HMGN1: variants seen among roughly 807,000 people sequenced by gnomAD.
The protein encoded by HMGN1 is non-histone chromosomal protein HMG-14.
A neutral mutation model predicts 18.4 loss-of-function variants in HMGN1; 9 were observed. That is an observed-to-expected ratio of 0.49 (90% CI 0.29 to 0.85). HMGN1 has a LOEUF of 0.85. Among genes scored for constraint, HMGN1 ranks in the 40% least tolerant of loss-of-function variants. HMGN1 has a pLI of 0.07. For missense variants in HMGN1, 151 were observed against 119.2 expected, an observed-to-expected ratio of 1.27 and a Z score of -1.24; for synonymous variants, 59 against 45.0, an observed-to-expected ratio of 1.31 and a Z score of -1.24.
At chr21:39,346,425 T>G (rs1279192904) in intron 4 of HMGN1, 1 of 141,222 alleles carries the variant, frequency 7.1e-6, no homozygotes. Flanking sequence ...TCTTTTGTAG[T>G]CTGTTTCTAA....
chr21:39,347,458 A>T, intron 4 of HMGN1: 1 of 1,296,786 alleles, frequency 7.7e-7, no homozygotes. Context: ...TCTTCTGATG[A>T]CTGCAGTGCT....
intron 4 of HMGN1, chr21:39,347,980 G>A: frequency 1.6e-6 from 2 of 1,262,510 alleles, no homozygotes; most frequent in South Asian, 2.0e-5. Context: ...GGAAGTACAA[G>A]CACGAATTAA....
In HMGN1 at chr21:39,346,393, CACTT is replaced by C. The variant is rs2037054679; in HGVS notation, c.127-1123_127-1120del. 1.2e-5 allele frequency: 2 copies of C among 165,658 alleles called. 1 individual carries two copies. The highest frequency in any genetic ancestry group is 2.6e-5 in the Non-Finnish European group (2 of 76,050). 10.3% of individuals were successfully genotyped at this position (165,658 alleles called of 1,614,324 possible). ...CATTGCTATCACAAAGTTTCACAAT[CACTT>C]CTGTATTTAAGAACTACTCTTTTGT... is the stretch of plus-strand genomic sequence containing the variant. On this transcript the variant is annotated intron_variant, in intron 4 of 5. Coordinates refer to ENST00000380749, the MANE Select transcript of HMGN1 (RefSeq NM_004965.7).
chr21:39,348,545 C>T lies in HMGN1; in HGVS notation c.48G>A (p.Glu16=), dbSNP rs761685550. ...CCCCCCGCAGAAGGCCCGCACTCAC[C>T]TCTTCCTTGGCGGCGCCTTCGGCGG... ...VSSAEGAAKE[E]PKRRSARLSA... Residue 16 remains glutamate, a splice_region_variant and synonymous_variant, in exon 2 of 6, where the codon GAG becomes GAA. Transcript: ENST00000380749. 18 of 1,613,454 alleles carry T rather than the reference C, an allele frequency of 1.1e-5. No individual in the cohort carries two copies. The highest frequency in any genetic ancestry group is 1.7e-4 in the Middle Eastern group (1 of 6,060).
rs770489019 is a variant in HMGN1, at chr21:39,348,591, G to C, written c.16-14C>G. ...GGCGGAGCTGACCTGCGGAGACGGA[G>C]ACGCACGAATAGAGGCGGGCCGCAG... On this transcript the variant is annotated splice_polypyrimidine_tract_variant and intron_variant, in intron 1 of 5. Coordinates refer to ENST00000380749, the MANE Select transcript of HMGN1 (RefSeq NM_004965.7). 6.3e-7 allele frequency: 1 copy of C among 1,589,566 alleles called. No individual in the cohort carries two copies. Among genetic ancestry groups the C allele is most frequent in the Non-Finnish European group, 8.6e-7 (1 of 1,169,470 alleles).
intron 4 of HMGN1, 102 bp downstream of exon 4, chr21:39,348,190 G>A: frequency 2.1e-6 from 3 of 1,412,778 alleles, no homozygotes; most frequent in Non-Finnish European, 3.0e-6. Flanking sequence ...AATTATTAAA[G>A]TATAAATAAA....
intron 1 of HMGN1, 123 bp downstream of exon 1, chr21:39,348,780 G>T (rs1171850987): frequency 9.3e-7 from 1 of 1,073,290 alleles, no homozygotes; most frequent in Non-Finnish European, 1.2e-6. Context: ...CCCGCCCGCC[G>T]GTCTCCAAGC....
chr21:39,348,846 C>A, intron 1 of HMGN1, 57 bp downstream of exon 1: 1 of 1,057,824 alleles, frequency 9.5e-7, no homozygotes, highest in Non-Finnish European at 1.2e-6. Context: ...TCGCGGGGCC[C>A]GGCGGGGCGC....
intron 3 of HMGN1, 25 bp from the exon 4 acceptor site, chr21:39,348,364 C>A (rs1262301534): frequency 6.2e-7 from 1 of 1,614,198 alleles, no homozygotes. Context: ...CAGCACTGAG[C>A]GTCCTCACCC....
At chr21:39,348,876 C>G (rs1213086591) in intron 1 of HMGN1, 27 bp downstream of exon 1, 6 of 1,120,124 alleles carry the variant, frequency 5.4e-6, no homozygotes, top group Admixed American at 4.9e-5. Flanking sequence ...CTCCAGGGGG[C>G]GTGTGCGGGC....
At position 39,348,342 on chromosome 21, in the gene HMGN1, G is replaced by C. The variant is rs769990656; in HGVS notation, c.79-3C>G. On this transcript the variant is annotated splice_region_variant and splice_polypyrimidine_tract_variant and intron_variant, in intron 3 of 5. Transcript: ENST00000380749. Reference sequence around the variant, plus strand: ...GCTTCCACTTTTGCAGGAGGTTTCTGAAAGGCAAAAGCAGCACTGAGCGTC... The same window carrying C: ...GCTTCCACTTTTGCAGGAGGTTTCTCAAAGGCAAAAGCAGCACTGAGCGTC... 6.2e-7 allele frequency: 1 copy of C among 1,614,176 alleles called. No homozygotes were observed. The highest frequency in any genetic ancestry group is 8.5e-7 in the Non-Finnish European group (1 of 1,180,036).
Position 39,348,354 on chromosome 21 carries a change from C to T in HMGN1, c.79-15G>A, listed in dbSNP as rs1326651819. 3.1e-6 allele frequency: 5 copies of T among 1,614,084 alleles called. No individual in the cohort carries two copies. Among genetic ancestry groups the T allele is most frequent in the Non-Finnish European group, 4.2e-6 (5 of 1,180,050 alleles). ...GCAGGAGGTTTCTGAAAGGCAAAAGCAGCACTGAGCGTCCTCACCCGGGAC... is the reference window on the plus strand; with the variant it reads ...GCAGGAGGTTTCTGAAAGGCAAAAGTAGCACTGAGCGTCCTCACCCGGGAC... On this transcript the variant is annotated splice_polypyrimidine_tract_variant and intron_variant, in intron 3 of 5. Coordinates refer to ENST00000380749, the MANE Select transcript of HMGN1 (RefSeq NM_004965.7).
chr21:39,348,369 T>C (rs551207165), intron 3 of HMGN1, 30 bp from the exon 4 acceptor site: 1 of 1,614,152 alleles, frequency 6.2e-7, no homozygotes, highest in South Asian at 1.1e-5. Context: ...CTGAGCGTCC[T>C]CACCCGGGAC....
At chr21:39,345,660 ACT>A (rs2037025306) in intron 4 of HMGN1, 1 of 417,328 alleles carries the variant, frequency 2.4e-6, no homozygotes, top group Admixed American at 3.1e-5. Context: ...ATATTTCACC[ACT>A]GTCGCCATCA....
At chr21:39,345,028 C>CT in intron 5 of HMGN1, 118 bp downstream of exon 5, 1 of 1,245,452 alleles carries the variant, frequency 8.0e-7, no homozygotes, top group Non-Finnish European at 1.1e-6. Context: ...CCGTACAAAA[C>CT]TTTGTTCAAT....
chr21:39,347,101 A>G (rs2249651), intron 4 of HMGN1: 16,516 of 161,936 alleles, frequency 0.1, 1,090 homozygotes, highest in Non-Finnish European at 0.15. Flanking sequence ...ATAGGTAATA[A>G]TATACTGCTC....
intron 5 of HMGN1, 46 bp from the exon 6 acceptor site, chr21:39,343,205 C>A: frequency 6.5e-7 from 1 of 1,545,574 alleles, no homozygotes; most frequent in South Asian, 1.2e-5. Flanking sequence ...AACACGTTGT[C>A]GTTTTATTTA....
intron 4 of HMGN1, chr21:39,346,274 T>G (rs965004138): frequency 1.1e-5 from 3 of 277,324 alleles, no homozygotes; most frequent in Non-Finnish European, 2.1e-5. Context: ...GTACTAATAG[T>G]AGGATTCCAC....
At chr21:39,345,417 A>G (rs967410677) in intron 4 of HMGN1, 143 bp from the exon 5 acceptor site, 2 of 731,662 alleles carry the variant, frequency 2.7e-6, no homozygotes, top group Middle Eastern at 2.7e-4. Flanking sequence ...GACATCTCAC[A>G]CATGAGCGTG....
Sources: gnomAD v4.1 joint callset for allele counts on GRCh38, gnomAD v4.1.1 for gene constraint, MANE v1.5 for transcripts, NCBI Gene and HGNC (gene_info 2026-07-23, HGNC 2026-07-21) for gene names.